DOCK11: variants seen among roughly 807,000 people sequenced by gnomAD.
DOCK11 encodes the protein dedicator of cytokinesis protein 11.
DOCK11 carries 70 observed loss-of-function variants against 169.1 expected under a neutral mutation model. That is an observed-to-expected ratio of 0.41 (90% CI 0.34 to 0.51). The LOEUF is 0.51. Among genes scored for constraint, DOCK11 ranks in the 20% least tolerant of loss-of-function variants. DOCK11 has a pLI of 0.10. For synonymous variants in DOCK11, 529 were observed against 541.3 expected, an observed-to-expected ratio of 0.98 and a Z score of 0.32; for missense variants, 1,166 against 1,538.8, an observed-to-expected ratio of 0.76 and a Z score of 4.05.
intron 6 of DOCK11, among the ~76,000 whole-genome samples, chrX:118,560,016 T>C (rs183444891): frequency 1.6e-3 from 177 of 111,041 alleles, no homozygotes; most frequent in African/African-American, 5.5e-3. Context: ...TTTCTGTTGA[T>C]AGCACGTAGC....
chrX:118,552,319 C>T (rs1438811974), intron 6 of DOCK11, among the ~76,000 whole-genome samples: 1 of 111,467 alleles, frequency 9.0e-6, no homozygotes, highest in Admixed American at 9.6e-5. Context: ...GCAAGTTTTG[C>T]AAGAACATTC....
chrX:118,660,980 G>T (rs763285120), intron 44 of DOCK11, among the ~76,000 whole-genome samples: 1 of 109,778 alleles, frequency 9.1e-6, no homozygotes, highest in Admixed American at 9.7e-5. Flanking sequence ...ATCTGAGATG[G>T]GTAGGATCAC....
intron 24 of DOCK11, among the ~76,000 whole-genome samples, chrX:118,605,583 G>A (rs762200841): frequency 1.8e-5 from 2 of 111,538 alleles, no homozygotes; most frequent in African/African-American, 3.3e-5. Flanking sequence ...AATTTTCCAC[G>A]GTTTCTCCTG....
At chrX:118,597,592 A>G in intron 21 of DOCK11, 40 bp downstream of exon 21, 2 of 1,201,576 alleles carry the variant, frequency 1.7e-6, no homozygotes. Flanking sequence ...TCATGATTAA[A>G]TGTGCAAAAA....
At chrX:118,528,134 T>C (rs1446703486) in intron 1 of DOCK11, among the ~76,000 whole-genome samples, 1 of 112,164 alleles carries the variant, frequency 8.9e-6, no homozygotes, top group Non-Finnish European at 1.9e-5. Flanking sequence ...AAGCCTCAAG[T>C]GTACTGTTCT....
chrX:118,544,191 G>C (rs964474958), intron 4 of DOCK11, among the ~76,000 whole-genome samples: 2 of 111,973 alleles, frequency 1.8e-5, no homozygotes, highest in Non-Finnish European at 3.8e-5. Context: ...AGTAGTGTCA[G>C]TGAAAAAGCT....
intron 40 of DOCK11, among the ~76,000 whole-genome samples, chrX:118,645,962 A>G (rs1194650567): frequency 9.7e-6 from 1 of 103,420 alleles, no homozygotes; most frequent in African/African-American, 3.5e-5. Flanking sequence ...AGGCTGAGGC[A>G]GGAGAATCAC....
At chrX:118,606,094 T>TC (rs2014491550) in intron 24 of DOCK11, among the ~76,000 whole-genome samples, 2 of 101,382 alleles carry the variant, frequency 2.0e-5, no homozygotes, top group Non-Finnish European at 4.0e-5. Flanking sequence ...TTTTTTTTTT[T>TC]TTTTTTTTTT....
Position 118,608,223 on chromosome X carries a change from A to G in DOCK11, c.2752-8A>G, listed in dbSNP as rs780153480. ...ACAGTTCATTTTTTTTTGTTTGTTT[A>G]TTTGTAGTATAGCTTCCGACCTGAA... On this transcript the variant is annotated splice_polypyrimidine_tract_variant and splice_region_variant and intron_variant, in intron 25 of 52. Transcript: ENST00000276202. 7 of 1,193,031 alleles carry G rather than the reference A, an allele frequency of 5.9e-6. No homozygotes were observed. In the South Asian group the frequency reaches 7.4e-5, roughly 13 times the overall value.
chrX:118,574,028 G>T lies in DOCK11; in HGVS notation c.1389+10G>T. On this transcript the variant is annotated intron_variant, in intron 12 of 52. Coordinates refer to ENST00000276202, the MANE Select transcript of DOCK11 (RefSeq NM_144658.4). ...ACGCTACATACAACAGGTAACGAATGACCTTTAGTCTTAGCAGCGTATTCA... is the reference window on the plus strand; with the variant it reads ...ACGCTACATACAACAGGTAACGAATTACCTTTAGTCTTAGCAGCGTATTCA... 8.4e-7 allele frequency: 1 copy of T among 1,195,462 alleles called. No homozygotes were observed.
At chrX:118,669,824 G>A (rs1055066097) in intron 45 of DOCK11, among the ~76,000 whole-genome samples, 1 of 111,599 alleles carries the variant, frequency 9.0e-6, no homozygotes, top group African/African-American at 3.3e-5. Context: ...TAAGACTCTG[G>A]GTAGAAGCCT....
chrX:118,520,902 T>C (rs890987668), intron 1 of DOCK11, among the ~76,000 whole-genome samples: 1 of 111,953 alleles, frequency 8.9e-6, no homozygotes, highest in African/African-American at 3.3e-5. Context: ...TTCTAAGTAG[T>C]ACAATCCTGT....
chrX:118,525,234 C>T lies in DOCK11; in HGVS notation c.103-17491C>T, dbSNP rs139096953. 6.3e-3 allele frequency among the ~76,000 whole-genome samples: 704 copies of T among 111,494 alleles called. 13 individuals carry two copies. The South Asian group carries it at 0.066, about 10-fold the overall frequency. ...CCCAAAAGAATTGAAGGAAGGGACT[C>T]AGATACTTGTTTCACACCACTGTTC... On this transcript the variant is annotated intron_variant, in intron 1 of 52. Transcript: ENST00000276202.
chrX:118,656,503 GT>G (rs779015440), intron 44 of DOCK11, among the ~76,000 whole-genome samples: 4 of 110,638 alleles, frequency 3.6e-5, no homozygotes, highest in African/African-American at 1.3e-4. Context: ...CCATTTGAGG[GT>G]TTTTTTAAAA....
Position 118,526,246 on chromosome X carries a change from C to T in DOCK11, c.103-16479C>T, listed in dbSNP as rs1191625742. 3.6e-5 allele frequency among the ~76,000 whole-genome samples: 4 copies of T among 112,061 alleles called. No individual in the cohort carries two copies. In the East Asian group the frequency reaches 1.1e-3, roughly 31 times the overall value. Reference sequence around the variant, plus strand: ...TCTTCAGTCATTCTCACATCCCTTACTAAGCCACAGAGCAACATCACATTT... The same window carrying T: ...TCTTCAGTCATTCTCACATCCCTTATTAAGCCACAGAGCAACATCACATTT... On this transcript the variant is annotated intron_variant, in intron 1 of 52. Transcript: ENST00000276202.
chrX:118,569,541 A>G (rs776273698), intron 10 of DOCK11: 36 of 111,946 alleles, frequency 3.2e-4, no homozygotes, highest in African/African-American at 1.0e-3. Context: ...TTTTTGCTTC[A>G]TATGGTTTTC....
chrX:118,501,292 C>G (rs2066135162), intron 1 of DOCK11, among the ~76,000 whole-genome samples: 1 of 109,998 alleles, frequency 9.1e-6, no homozygotes, highest in African/African-American at 3.4e-5. Flanking sequence ...ACCAGCCTGG[C>G]CAACATGGCA....
Position 118,546,123 on chromosome X carries a change from A to AT in DOCK11, c.558+7_558+8insT. Reference sequence around the variant, plus strand: ...CATCACAGTAACCATGAAGGTAGGAAGTAGTTATTATATTATTCCATCATT... The same window carrying AT: ...CATCACAGTAACCATGAAGGTAGGAATGTAGTTATTATATTATTCCATCATT... On this transcript the variant is annotated splice_region_variant and intron_variant, in intron 6 of 52. Transcript: ENST00000276202. 9.4e-7 allele frequency: 1 copy of AT among 1,064,561 alleles called. No individual in the cohort carries two copies. The highest frequency in any genetic ancestry group is 1.3e-6 in the Non-Finnish European group (1 of 779,180). The allele number at this position is 1,064,561 out of a possible 1,213,427, so 87.7% of individuals were successfully genotyped here. A position where few individuals can be genotyped will look rare whatever the true frequency, so the allele number is the denominator to read the frequency against.
In DOCK11 at chrX:118,522,438, T is replaced by A. The variant is rs761182756; in HGVS notation, c.103-20287T>A. Among the ~76,000 whole-genome samples the A allele has an allele frequency of 2.0e-4, 23 of 112,457 alleles. No individual in the cohort carries two copies. In the South Asian group the frequency reaches 8.4e-3, roughly 41 times the overall value. On this transcript the variant is annotated intron_variant, in intron 1 of 52. Transcript: ENST00000276202. ...TTAGCAGCTTAAAATAACACACTTA[T>A]TATTTCACAGTCAGAAGTGTAGGCA... is the stretch of plus-strand genomic sequence containing the variant.
Sources: gnomAD v4.1 joint callset for allele counts (sites outside exome capture counted in the v4.1 genomes callset) on GRCh38, gnomAD v4.1.1 for gene constraint, MANE v1.5 for transcripts, NCBI Gene and HGNC (gene_info 2026-07-23, HGNC 2026-07-21) for gene names.